ST3GAL1: variants seen among roughly 807,000 people sequenced by gnomAD.
ST3GAL1 encodes the protein ST3 beta-galactoside alpha-2,3-sialyltransferase 1.
Under a neutral mutation model 34.1 loss-of-function variants are expected in ST3GAL1, and 16 were observed. The ratio of observed to expected loss-of-function variants is 0.47; its 90% CI spans 0.32 to 0.71. ST3GAL1 has a LOEUF of 0.71. Ranked by LOEUF, ST3GAL1 falls within the 30% of genes least tolerant of loss-of-function variation. The pLI is 0.04. For synonymous variants in ST3GAL1, 191 were observed against 184.7 expected (o/e 1.03, Z -0.28); for missense variants, 353 against 447.4 (o/e 0.79, Z 1.90).
At chr8:133,472,239 C>G (rs1815998361) in intron 5 of ST3GAL1, among the ~76,000 whole-genome samples, 1 of 152,144 alleles carries the variant, frequency 6.6e-6, no homozygotes, top group Non-Finnish European at 1.5e-5. Context: ...TGTCCCTGTT[C>G]CTGCCAGGGC....
intron 1 of ST3GAL1, among the ~76,000 whole-genome samples, chr8:133,560,607 C>T (rs1819191784): frequency 6.6e-6 from 1 of 152,218 alleles, no homozygotes; most frequent in East Asian, 1.9e-4. Context: ...GGTCACAGCA[C>T]GTCTCGTGGG....
In ST3GAL1 at chr8:133,461,306, C is replaced by T. The variant is rs1211801524; in HGVS notation, c.849+569G>A. Among the ~76,000 whole-genome samples the T allele has an allele frequency of 6.6e-6, 1 of 152,178 alleles. No homozygotes were observed. Among genetic ancestry groups the T allele is most frequent in the Non-Finnish European group, 1.5e-5 (1 of 68,016 alleles). On this transcript the variant is annotated intron_variant, in intron 9 of 9. Transcript: ENST00000522652. This position sits in a 1 kb window ranked among gnomAD's most constrained non-coding sequence, Gnocchi z 4.7. Reference sequence around the variant, plus strand: ...GGCTGTGTGGCCTGCCCTCCTGCCCCTCTTCCTGGGGTGGCAGCAAACCTC... The same window carrying T: ...GGCTGTGTGGCCTGCCCTCCTGCCCTTCTTCCTGGGGTGGCAGCAAACCTC...
In ST3GAL1 at chr8:133,475,973, A is replaced by G. The variant is rs1178730498; in HGVS notation, c.52T>C (p.Phe18Leu). ...AGGAAGAAGGAGGTGAGGAAGATGAAGAGCACGAGGAAGGTGAGCACTTTC... is the reference window on the plus strand; with the variant it reads ...AGGAAGAAGGAGGTGAGGAAGATGAGGAGCACGAGGAAGGTGAGCACTTTC... ...TLKVLTFLVLFIFLTSFFLNY... is the reference protein window; with the variant it reads ...TLKVLTFLVLLIFLTSFFLNY... The change falls in exon 5 of 10, where the codon TTC becomes CTC. Residue 18 changes from phenylalanine (F) to leucine (L), a missense_variant. Transcript: ENST00000522652. The G allele has an allele frequency of 1.2e-6, 2 of 1,613,230 alleles. No individual in the cohort carries two copies. Among genetic ancestry groups the G allele is most frequent in the South Asian group, 2.2e-5 (2 of 90,972 alleles).
chr8:133,486,247 C>T (rs1816590864), intron 3 of ST3GAL1, among the ~76,000 whole-genome samples: 1 of 152,238 alleles, frequency 6.6e-6, no homozygotes, highest in Non-Finnish European at 1.5e-5. Context: ...CCCTGGGCCT[C>T]CTTGCTGTCT....
intron 2 of ST3GAL1, among the ~76,000 whole-genome samples, chr8:133,510,684 AT>A (rs1817477928): frequency 6.6e-6 from 1 of 152,240 alleles, no homozygotes; most frequent in African/African-American, 2.4e-5. Context: ...ATGGAATAAA[AT>A]TTAAAGCACC....
At chr8:133,543,116 A>G (rs1246722793) in intron 2 of ST3GAL1, among the ~76,000 whole-genome samples, 1 of 152,236 alleles carries the variant, frequency 6.6e-6, no homozygotes, top group African/African-American at 2.4e-5. Context: ...AATGGGAGAC[A>G]GCCACACCAG....
At chr8:133,525,010 GGT>G (rs1224952064) in intron 2 of ST3GAL1, among the ~76,000 whole-genome samples, 1 of 152,174 alleles carries the variant, frequency 6.6e-6, no homozygotes, top group Non-Finnish European at 1.5e-5. Context: ...GAGGGAGGAG[GGT>G]GTGTTTCAGC....
chr8:133,533,868 AATG>A (rs1256252789), intron 2 of ST3GAL1, among the ~76,000 whole-genome samples: 2 of 152,230 alleles, frequency 1.3e-5, no homozygotes, highest in Non-Finnish European at 2.9e-5. Context: ...TGTTTGTGAT[AATG>A]ATGATGATGA....
chr8:133,463,736 C>T (rs62520269), intron 7 of ST3GAL1, among the ~76,000 whole-genome samples: 18 of 152,212 alleles, frequency 1.2e-4, no homozygotes, highest in Non-Finnish European at 2.5e-4. Context: ...GCTCCAAGCA[C>T]AGCCTTAAGG....
At chr8:133,540,962 TATAGACATATATATGC>T (rs1818485663) in intron 2 of ST3GAL1, among the ~76,000 whole-genome samples, 11 of 135,516 alleles carry the variant, frequency 8.1e-5, no homozygotes, top group African/African-American at 2.2e-4. Flanking sequence ...TAGACATATA[TATAGACATATATATGC>T]AGACATATAT....
intron 1 of ST3GAL1, among the ~76,000 whole-genome samples, chr8:133,546,666 G>A (rs371795072): frequency 1.3e-5 from 2 of 152,260 alleles, no homozygotes; most frequent in East Asian, 3.9e-4. Flanking sequence ...ATCGGGGTTA[G>A]GATAAATCAG....
At position 133,458,479 on chromosome 8, in the gene ST3GAL1, A is replaced by C. The variant is rs1815380498; in HGVS notation, c.*1285T>G. 1 of 152,182 alleles carries C rather than the reference A, an allele frequency of 6.6e-6. No individual in the cohort carries two copies. Among genetic ancestry groups the C allele is most frequent in the Admixed American group, 6.6e-5 (1 of 15,264 alleles). 9.4% of individuals were successfully genotyped at this position (152,182 alleles called of 1,614,324 possible). A position where few individuals can be genotyped will look rare whatever the true frequency, so the allele number is the denominator to read the frequency against. On this transcript the variant is annotated 3_prime_UTR_variant, in exon 10 of 10. Coordinates refer to ENST00000522652, the MANE Select transcript of ST3GAL1 (RefSeq NM_173344.3). ...GACCCTGAGCTCAGGCCCTTGGGGA[A>C]AATGCTGCTGGCAGCCTCCTGTGTG...
At chr8:133,476,171 C>A in intron 4 of ST3GAL1, 97 bp from the exon 5 acceptor site, 2 of 834,050 alleles carry the variant, frequency 2.4e-6, no homozygotes, top group South Asian at 3.8e-5. Context: ...GGCCGCTAAG[C>A]TCGACTTCAC....
In ST3GAL1 at chr8:133,464,824, C is replaced by A. The variant is rs1425080909; in HGVS notation, c.637G>T (p.Asp213Tyr). 1 of 1,613,752 alleles carries A rather than the reference C, an allele frequency of 6.2e-7. No homozygotes were observed. Among genetic ancestry groups the A allele is most frequent in the Non-Finnish European group, 8.5e-7 (1 of 1,179,874 alleles). Reference protein sequence around the residue: ...SMILVPFKTIDLEWVVSAITT... With the variant: ...SMILVPFKTIYLEWVVSAITT... ...ATGGCGCTCACCACCCACTCCAAGTCGATGGTCTTGAAGGGCACCAGGATC... is the reference window on the plus strand; with the variant it reads ...ATGGCGCTCACCACCCACTCCAAGTAGATGGTCTTGAAGGGCACCAGGATC... Residue 213 changes from aspartate to tyrosine, a missense_variant, in exon 7 of 10, where the codon GAC becomes TAC. By Grantham distance (160) the Asp-to-Tyr change is radical. Transcript: ENST00000522652.
intron 2 of ST3GAL1, among the ~76,000 whole-genome samples, chr8:133,537,593 G>C (rs772289077): frequency 3.3e-5 from 5 of 152,206 alleles, no homozygotes; most frequent in Non-Finnish European, 5.9e-5. Context: ...TAAGCTCCAA[G>C]GGCTGGAGAA....
At chr8:133,551,020 G>A (rs898930213) in intron 1 of ST3GAL1, among the ~76,000 whole-genome samples, 2 of 152,146 alleles carry the variant, frequency 1.3e-5, no homozygotes, top group African/African-American at 2.4e-5. Context: ...CAATCATCTG[G>A]ATAACTGTTA....
At chr8:133,532,872 T>C (rs773861709) in intron 2 of ST3GAL1, among the ~76,000 whole-genome samples, 24 of 151,728 alleles carry the variant, frequency 1.6e-4, no homozygotes, top group Non-Finnish European at 7.4e-5. Flanking sequence ...GTGGAGGGGG[T>C]GATAGTTTGG....
intron 3 of ST3GAL1, among the ~76,000 whole-genome samples, chr8:133,485,630 A>G (rs1030290793): frequency 6.6e-6 from 1 of 152,244 alleles, no homozygotes; most frequent in Non-Finnish European, 1.5e-5. Context: ...CCAGGGCTAA[A>G]GAAAACCAGA....
At chr8:133,468,986 C>T (rs544154525) in intron 5 of ST3GAL1, among the ~76,000 whole-genome samples, 49 of 152,244 alleles carry the variant, frequency 3.2e-4, no homozygotes, top group Admixed American at 7.8e-4. Context: ...CCTTCCATCA[C>T]GCCGCTACTT....
Sources: gnomAD v4.1 joint callset for allele counts (sites outside exome capture counted in the v4.1 genomes callset) on GRCh38, gnomAD v4.1.1 for gene constraint, Gnocchi (gnomAD v3.1) non-coding constraint, MANE v1.5 for transcripts, NCBI Gene and HGNC (gene_info 2026-07-23, HGNC 2026-07-21) for gene names.